The following SLC12A6 variants were observed in gnomAD, a reference collection of about 807,000 sequenced individuals.
SLC12A6 encodes the protein solute carrier family 12 member 6, also known as K-Cl cotransporter 3.
SLC12A6 carries 66 observed loss-of-function variants against 135.3 expected under a neutral mutation model. The observed-to-expected ratio is 0.49, with a 90% CI of 0.40 to 0.60. The LOEUF is 0.60. SLC12A6 is among the 20% of genes least tolerant of loss of function. SLC12A6 has a pLI of 0.00. For missense variants in SLC12A6, 1,058 were observed against 1,452.3 expected (o/e 0.73, Z 4.41); for synonymous variants, 513 against 508.8 (o/e 1.01, Z -0.11).
intron 18 of SLC12A6, 36 bp downstream of exon 18, chr15:34,241,197 C>T (rs774422801): frequency 9.4e-7 from 1 of 1,060,702 alleles, no homozygotes; most frequent in Non-Finnish European, 1.5e-6. Context: ...TGTGTGTTAA[C>T]CATGTGCCAA....
At position 34,230,689 on chromosome 15, in the gene SLC12A6, C is replaced by T. The variant is rs1348742073; in HGVS notation, c.*3192G>A. On this transcript the variant is annotated 3_prime_UTR_variant, in exon 26 of 26. Coordinates refer to ENST00000354181, the MANE Select transcript of SLC12A6 (RefSeq NM_001365088.1). ...CCTAAGGTGCATTCTCTCAAGTTTT[C>T]AGTATTGCTTTATTTGCAGTGATTA... 1 of 152,610 alleles carries T rather than the reference C, an allele frequency of 6.6e-6. No individual in the cohort carries two copies. Among genetic ancestry groups the T allele is most frequent in the East Asian group, 1.9e-4 (1 of 5,208 alleles). 9.5% of individuals were successfully genotyped at this position (152,610 alleles called of 1,614,324 possible). A position where few individuals can be genotyped will look rare whatever the true frequency, so the allele number is the denominator to read the frequency against.
chr15:34,328,135 T>C (rs1889599440), intron 2 of SLC12A6, among the ~76,000 whole-genome samples: 1 of 110,368 alleles, frequency 9.1e-6, no homozygotes, highest in Non-Finnish European at 1.7e-5. Flanking sequence ...AAGACTAAAA[T>C]TAGAAGACCT....
rs1251679474 is a variant in SLC12A6 at position 34,261,012 on chromosome 15, G to T, written c.325C>A (p.His109Asn). ...GEHSQLLDDG[H>N]KKARNAYLNN... ...AGATAAGCATTTCGAGCTTTCTTAT[G>T]TCCGTCGTCTGGAAAAAAAAAAGTA... Residue 109 changes from histidine to asparagine, a missense_variant, in exon 4 of 26, where the codon CAT becomes AAT. By Grantham distance (68) the His-to-Asn change is moderately conservative. Around this residue, in one of 6 missense-constraint regions of SLC12A6, gnomAD observed 176 missense variants for 168.9 expected, o/e 1.04. Transcript: ENST00000354181. 2.6e-6 allele frequency: 4 copies of T among 1,544,048 alleles called. No homozygotes were observed. The highest frequency in any genetic ancestry group is 3.3e-5 in the Admixed American group (2 of 59,860).
At chr15:34,326,254 C>T (rs8043447) in intron 2 of SLC12A6, among the ~76,000 whole-genome samples, 2,479 of 152,276 alleles carry the variant, frequency 0.016, 78 homozygotes, top group African/African-American at 0.057. Context: ...GTAGCACTGG[C>T]AGCTATGAAG....
At chr15:34,266,450 A>G (rs1893528498) in intron 3 of SLC12A6, among the ~76,000 whole-genome samples, 1 of 151,920 alleles carries the variant, frequency 6.6e-6, no homozygotes, top group African/African-American at 2.4e-5. Flanking sequence ...TATCATTATT[A>G]TTATTTTTTG....
chr15:34,308,289 G>C (rs1249951744), intron 2 of SLC12A6, among the ~76,000 whole-genome samples: 1 of 151,942 alleles, frequency 6.6e-6, no homozygotes, highest in Non-Finnish European at 1.5e-5. Flanking sequence ...GCTGATAATT[G>C]CATCTTCCTA....
intron 2 of SLC12A6, chr15:34,318,861 GA>G: frequency 6.9e-7 from 1 of 1,448,402 alleles, no homozygotes; most frequent in Non-Finnish European, 9.1e-7. Flanking sequence ...TGGGGCGCTT[GA>G]AGACACGCCT....
intron 2 of SLC12A6, among the ~76,000 whole-genome samples, chr15:34,314,049 ATT>A (rs199648925): frequency 0.075 from 10,520 of 140,356 alleles, 419 homozygotes; most frequent in African/African-American, 0.12. Context: ...TGGTTTATTG[ATT>A]TTTTTTTTTT....
At chr15:34,254,256 C>A (rs1370722520) in intron 9 of SLC12A6, 92 bp downstream of exon 9, 1 of 1,299,204 alleles carries the variant, frequency 7.7e-7, no homozygotes, top group African/African-American at 1.5e-5. Flanking sequence ...CTCAGAGAGA[C>A]TCTATGAAAT....
At chr15:34,277,295 A>C (rs1490311604) in intron 2 of SLC12A6, among the ~76,000 whole-genome samples, 4 of 152,118 alleles carry the variant, frequency 2.6e-5, no homozygotes, top group Non-Finnish European at 5.9e-5. Context: ...TTAGGTAGGC[A>C]TAGTGGCGTG....
At chr15:34,278,610 C>T (rs1429060741) in intron 2 of SLC12A6, among the ~76,000 whole-genome samples, 3 of 151,958 alleles carry the variant, frequency 2.0e-5, no homozygotes, top group East Asian at 1.9e-4. Context: ...CTTGCTCTGT[C>T]GCCCAGGCTG....
intron 2 of SLC12A6, among the ~76,000 whole-genome samples, chr15:34,300,690 G>A (rs1478720376): frequency 6.6e-6 from 1 of 151,918 alleles, no homozygotes; most frequent in Non-Finnish European, 1.5e-5. Flanking sequence ...CTACTTGGGA[G>A]GCTGAGGCAC....
At chr15:34,254,287 C>A in intron 9 of SLC12A6, 61 bp downstream of exon 9, 3 of 1,497,650 alleles carry the variant, frequency 2.0e-6, no homozygotes, top group Middle Eastern at 1.8e-4. Context: ...AATTATCACA[C>A]CACCAGATAT....
chr15:34,256,202 C>A lies in SLC12A6; in HGVS notation c.745+27G>T, dbSNP rs562598209. 1.8e-4 allele frequency: 268 copies of A among 1,464,672 alleles called. 2 individuals carry two copies. The South Asian group carries it at 2.9e-3, about 16-fold the overall frequency. 90.7% of individuals were successfully genotyped at this position (1,464,672 alleles called of 1,614,324 possible). On this transcript the variant is annotated intron_variant, in intron 7 of 25. Coordinates refer to ENST00000354181, the MANE Select transcript of SLC12A6 (RefSeq NM_001365088.1). Reference sequence around the variant, plus strand: ...AAACACAGAGTCAACACTGATAAATCCTGAAATACAACCTTGACCTACTAA... The same window carrying A: ...AAACACAGAGTCAACACTGATAAATACTGAAATACAACCTTGACCTACTAA...
chr15:34,267,656 A>G (rs573786994), intron 3 of SLC12A6, among the ~76,000 whole-genome samples: 9 of 152,330 alleles, frequency 5.9e-5, no homozygotes, highest in African/African-American at 2.2e-4. Context: ...TGAGACTAGC[A>G]TGAGCAACAT....
At chr15:34,294,577 T>C (rs1464662610) in intron 2 of SLC12A6, among the ~76,000 whole-genome samples, 1 of 151,528 alleles carries the variant, frequency 6.6e-6, no homozygotes, top group Admixed American at 6.6e-5. Flanking sequence ...TTTTTAATTT[T>C]ATTTTTAAGA....
intron 2 of SLC12A6, among the ~76,000 whole-genome samples, chr15:34,310,005 C>CTTTTTTTT (rs879478639): frequency 6.9e-6 from 1 of 144,136 alleles, no homozygotes; most frequent in African/African-American, 2.6e-5. Flanking sequence ...AAGAGATAAT[C>CTTTTTTTT]TTTTTTTTTT....
chr15:34,256,470 ATC>A (rs1220647029), intron 6 of SLC12A6, among the ~76,000 whole-genome samples, 187 bp from the exon 7 acceptor site: 1 of 152,212 alleles, frequency 6.6e-6, no homozygotes, highest in African/African-American at 2.4e-5. Context: ...TACCACTAAT[ATC>A]TGGAGGATTC....
In SLC12A6 at chr15:34,284,280, T is replaced by TC. The variant is rs1894890668; in HGVS notation, c.272-8892_272-8891insG. ...TATTACTTTCTTTGTTTCTTTTCTT[T>TC]TTTTTTTTTTTTTTTTTTTTGAGAC... On this transcript the variant is annotated intron_variant, in intron 2 of 25. Transcript: ENST00000354181. Among the ~76,000 whole-genome samples, 8 of 130,336 alleles carry TC rather than the reference T, an allele frequency of 6.1e-5. No homozygotes were observed. The South Asian group carries it at 2.1e-3, about 34-fold the overall frequency. The allele number at this position is 130,336 out of a possible 152,430, so 85.5% of individuals were successfully genotyped here.
Sources: gnomAD v4.1 joint callset for allele counts (sites outside exome capture counted in the v4.1 genomes callset) on GRCh38, gnomAD v4.1.1 for gene constraint, gnomAD v4.1.1 regional missense constraint, MANE v1.5 for transcripts, NCBI Gene and HGNC (gene_info 2026-07-23, HGNC 2026-07-21) for gene names.